Variants in RBFOX1 observed in about 807,000 individuals in gnomAD.
The protein encoded by RBFOX1 is RNA binding protein fox-1 homolog 1.
Under a neutral mutation model 57.7 loss-of-function variants are expected in RBFOX1, and 8 were observed. The observed-to-expected ratio is 0.14, with a 90% CI of 0.08 to 0.25. The LOEUF (loss-of-function observed/expected upper bound fraction) is 0.25. Among genes scored for constraint, RBFOX1 ranks in the 10% least tolerant of loss-of-function variants. RBFOX1 has a pLI of 1.00. For synonymous variants in RBFOX1, 326 were observed against 222.4 expected (o/e 1.47, Z -4.15); for missense variants, 611 against 548.5 (o/e 1.11, Z -1.14).
chr16:6,844,492 G>A (rs148389980), intron 3 of RBFOX1, among the ~76,000 whole-genome samples: 60 of 152,124 alleles, frequency 3.9e-4, no homozygotes, highest in African/African-American at 1.4e-3. Context: ...CTCCATCTAT[G>A]TCTCTGCAGA....
At chr16:7,259,554 T>C (rs2094834548) in intron 4 of RBFOX1, among the ~76,000 whole-genome samples, 1 of 149,254 alleles carries the variant, frequency 6.7e-6, no homozygotes, top group African/African-American at 2.4e-5. Flanking sequence ...TCAGTATAAA[T>C]CTCCAATGTA....
At chr16:5,549,316 T>A (rs2045362289) in intron 2 of RBFOX1, among the ~76,000 whole-genome samples, 1 of 152,214 alleles carries the variant, frequency 6.6e-6, no homozygotes, top group Non-Finnish European at 1.5e-5. Flanking sequence ...TGGTTGAACT[T>A]TGCTTTCTCT....
chr16:6,240,394 G>T (rs1041267836), intron 1 of RBFOX1, among the ~76,000 whole-genome samples: 4 of 152,074 alleles, frequency 2.6e-5, no homozygotes, highest in African/African-American at 9.7e-5. Flanking sequence ...TGGATGGTGT[G>T]TAGTGTGGGT....
chr16:6,665,521 A>C (rs896166295), intron 3 of RBFOX1, among the ~76,000 whole-genome samples: 5 of 151,830 alleles, frequency 3.3e-5, no homozygotes, highest in African/African-American at 1.2e-4. Flanking sequence ...GCTACTTGGG[A>C]GGCTGAGGTA....
intron 3 of RBFOX1, among the ~76,000 whole-genome samples, chr16:7,009,415 C>G (rs1009025383): frequency 1.3e-5 from 2 of 151,566 alleles, no homozygotes; most frequent in Non-Finnish European, 2.9e-5. Context: ...GTGACAAATC[C>G]ACAGGCCTTG....
intron 4 of RBFOX1, among the ~76,000 whole-genome samples, chr16:7,160,225 G>A (rs570546571): frequency 6.6e-6 from 1 of 151,484 alleles, no homozygotes; most frequent in South Asian, 2.1e-4. Context: ...ACAGCAAAGA[G>A]TTTTATGACT....
intron 4 of RBFOX1, among the ~76,000 whole-genome samples, chr16:7,204,384 GAAAT>G (rs2089462405): frequency 6.6e-6 from 1 of 150,544 alleles, no homozygotes; most frequent in Non-Finnish European, 1.5e-5. Flanking sequence ...GCATATACCT[GAAAT>G]CCCAGTACTT....
chr16:6,783,125 G>A (rs894651158), intron 3 of RBFOX1, among the ~76,000 whole-genome samples: 5 of 151,652 alleles, frequency 3.3e-5, no homozygotes, highest in African/African-American at 7.3e-5. Context: ...GTGTGTTTTC[G>A]TAGGTAAAAA....
At chr16:7,426,650 G>C (rs1297679299) in intron 4 of RBFOX1, among the ~76,000 whole-genome samples, 2 of 152,202 alleles carry the variant, frequency 1.3e-5, no homozygotes, top group African/African-American at 4.8e-5. Flanking sequence ...TGGTCTTGGA[G>C]GTTGTGGGTT....
At chr16:7,271,437 C>T (rs2095316005) in intron 4 of RBFOX1, among the ~76,000 whole-genome samples, 1 of 151,868 alleles carries the variant, frequency 6.6e-6, no homozygotes, top group African/African-American at 2.4e-5. Context: ...TCAATGATGC[C>T]TTGGTGACCC....
At position 6,766,546 on chromosome 16, in the gene RBFOX1, C is replaced by T. The variant is rs369179516; in HGVS notation, c.-16+111896C>T. 3.9e-4 allele frequency among the ~76,000 whole-genome samples: 60 copies of T among 151,956 alleles called. 1 individual carries two copies. The highest frequency in any genetic ancestry group is 1.2e-4 in the Non-Finnish European group (8 of 67,996). On this transcript the variant is annotated intron_variant, in intron 3 of 15. Coordinates refer to ENST00000550418, the MANE Select transcript of RBFOX1 (RefSeq NM_018723.4). Reference sequence around the variant, plus strand: ...TGTCCAATAGAACTTTCTGCAATGACACCCATGTTCTTTATCATCAGTGTC... The same window carrying T: ...TGTCCAATAGAACTTTCTGCAATGATACCCATGTTCTTTATCATCAGTGTC...
intron 5 of RBFOX1, among the ~76,000 whole-genome samples, chr16:7,570,569 G>A (rs2092671108): frequency 1.3e-5 from 2 of 152,178 alleles, no homozygotes; most frequent in South Asian, 2.1e-4. Flanking sequence ...TCAGAAGGAT[G>A]TACATAGCTG....
At chr16:6,948,592 G>A (rs949477081) in intron 3 of RBFOX1, among the ~76,000 whole-genome samples, 11 of 151,774 alleles carry the variant, frequency 7.2e-5, no homozygotes, top group African/African-American at 2.7e-4. Context: ...ATGTTGGCCA[G>A]ACTGGTCTTG....
intron 3 of RBFOX1, among the ~76,000 whole-genome samples, chr16:6,659,241 T>TTGTCAGAGA (rs59444131): frequency 6.6e-6 from 1 of 152,022 alleles, no homozygotes; most frequent in Non-Finnish European, 1.5e-5. Context: ...GAGAGCCCAT[T>TTGTCAGAGA]TTATAAACAC....
At chr16:7,044,106 G>A (rs6500903) in intron 3 of RBFOX1, among the ~76,000 whole-genome samples, 122,728 of 152,040 alleles carry the variant, frequency 0.81, 50,222 homozygotes, top group East Asian at 0.94. Context: ...CTTCTTTGCT[G>A]TTGTATTCCT....
intron 3 of RBFOX1, among the ~76,000 whole-genome samples, chr16:5,707,625 C>T (rs1366309966): frequency 6.6e-6 from 1 of 152,324 alleles, no homozygotes; most frequent in Non-Finnish European, 1.5e-5. Context: ...AGGGAAGATA[C>T]AGCTGGCATC....
At chr16:7,401,271 A>G (rs1264235528) in intron 4 of RBFOX1, among the ~76,000 whole-genome samples, 6 of 152,266 alleles carry the variant, frequency 3.9e-5, no homozygotes, top group Non-Finnish European at 5.9e-5. Context: ...GCAAAAATAT[A>G]TAGAGAAAAA....
intron 3 of RBFOX1, among the ~76,000 whole-genome samples, chr16:5,825,807 GAATAAGGAATAATATTCC>G (rs1238333625): frequency 8.0e-4 from 116 of 145,016 alleles, no homozygotes; most frequent in African/African-American, 2.7e-3. Context: ...TCCTTAATAT[GAATAAGGAATAATATTCC>G]TTAATATGAA....
intron 1 of RBFOX1, among the ~76,000 whole-genome samples, chr16:6,230,644 A>T (rs1050107189): frequency 1.3e-5 from 2 of 152,200 alleles, no homozygotes; most frequent in Admixed American, 1.3e-4. Context: ...AGGGAGTGAG[A>T]TTAGCAGCTT....
Sources: allele counts gnomAD v4.1 joint callset (sites outside exome capture counted in the v4.1 genomes callset), GRCh38; gene constraint gnomAD v4.1.1; transcripts MANE v1.5; gene names NCBI Gene and HGNC (gene_info 2026-07-23, HGNC 2026-07-21).